LCMT1: variants seen among roughly 807,000 people sequenced by gnomAD.
LCMT1 encodes [Phosphatase 2A protein]-leucine-carboxy methyltransferase 1.
In LCMT1, 32 loss-of-function variants were observed where a neutral mutation model predicts 47.7. The ratio of observed to expected loss-of-function variants is 0.67; its 90% confidence interval spans 0.51 to 0.90. The LOEUF (loss-of-function observed/expected upper bound fraction) is 0.90. Among genes scored for constraint, LCMT1 ranks in the 40% least tolerant of loss-of-function variants. The probability of loss-of-function intolerance (pLI) is 0.00; values close to 1 mark genes in which losing one functional copy is unlikely to be tolerated. For synonymous variants in LCMT1, 152 were observed against 149.7 expected (o/e 1.02, Z -0.11); for missense variants, 375 against 415.2 (o/e 0.90, Z 0.84).
intron 10 of LCMT1, among the ~76,000 whole-genome samples, chr16:25,176,376 A>G (rs1240211531): frequency 6.6e-6 from 1 of 152,096 alleles, no homozygotes; most frequent in African/African-American, 2.4e-5. Flanking sequence ...GATCCGAAAC[A>G]GAACTTGACA....
At chr16:25,132,942 C>T (rs1313929265) in intron 3 of LCMT1, among the ~76,000 whole-genome samples, 1 of 151,450 alleles carries the variant, frequency 6.6e-6, no homozygotes, top group African/African-American at 2.4e-5. Flanking sequence ...ATTACAGCCT[C>T]GAACTGCTGG....
chr16:25,142,529 G>T (rs572589604), intron 4 of LCMT1: 2 of 152,302 alleles, frequency 1.3e-5, no homozygotes, highest in East Asian at 3.9e-4. Flanking sequence ...GGGGATGATG[G>T]TAGCACACCC....
Position 25,125,449 on chromosome 16 carries a change from A to G in LCMT1, c.114-3026A>G, listed in dbSNP as rs559653636. 2.0e-4 allele frequency among the ~76,000 whole-genome samples: 31 copies of G among 152,312 alleles called. 1 individual carries two copies. The South Asian group carries it at 6.2e-3, about 31-fold the overall frequency. Reference sequence around the variant, plus strand: ...TCAGGCCTTTTATACTTGTCATCGCAGTGCCTTGCAGTGTGATTGTGCCAG... The same window carrying G: ...TCAGGCCTTTTATACTTGTCATCGCGGTGCCTTGCAGTGTGATTGTGCCAG... On this transcript the variant is annotated intron_variant, in intron 1 of 10. Coordinates refer to ENST00000399069, the MANE Select transcript of LCMT1 (RefSeq NM_016309.3).
At chr16:25,144,014 C>G (rs1960774599) in intron 4 of LCMT1, 1 of 152,236 alleles carries the variant, frequency 6.6e-6, no homozygotes, top group South Asian at 2.1e-4. Context: ...CAACACATTG[C>G]TGGATTCCTA....
At chr16:25,173,384 T>TGGTAGA (rs1450541273) in intron 9 of LCMT1, among the ~76,000 whole-genome samples, 1 of 152,232 alleles carries the variant, frequency 6.6e-6, no homozygotes, top group East Asian at 1.9e-4. Flanking sequence ...TTTGGATGTC[T>TGGTAGA]CCTGGTAGAA....
chr16:25,130,598 A>G (rs1716097492), intron 2 of LCMT1, among the ~76,000 whole-genome samples: 1 of 152,140 alleles, frequency 6.6e-6, no homozygotes, highest in African/African-American at 2.4e-5. Flanking sequence ...GTGAGCCAGG[A>G]TTGTACCACT....
Position 25,129,456 on chromosome 16 carries a change from A to G in LCMT1, c.205+890A>G, listed in dbSNP as rs144921272. ...CTGCAATTTTAAAAATGTTTCTCCT[A>G]TTTATAAGTGACGTTGAGGATCATT... On this transcript the variant is annotated intron_variant, in intron 2 of 10. Coordinates refer to ENST00000399069, the MANE Select transcript of LCMT1 (RefSeq NM_016309.3). Among the ~76,000 whole-genome samples, 206 of 152,300 alleles carry G rather than the reference A, an allele frequency of 1.4e-3. 1 individual carries two copies. Among genetic ancestry groups the G allele is most frequent in the African/African-American group, 4.8e-3 (199 of 41,576 alleles).
chr16:25,122,665 T>C (rs895397545), intron 1 of LCMT1, among the ~76,000 whole-genome samples: 1 of 151,970 alleles, frequency 6.6e-6, no homozygotes, highest in Admixed American at 6.6e-5. Flanking sequence ...TCATGTCTTG[T>C]TTGGTTGTGT....
At chr16:25,124,611 T>A (rs1334903402) in intron 1 of LCMT1, among the ~76,000 whole-genome samples, 1 of 152,226 alleles carries the variant, frequency 6.6e-6, no homozygotes, top group Non-Finnish European at 1.5e-5. Flanking sequence ...CCAGGCTTGA[T>A]CCTTATAGGC....
intron 3 of LCMT1, among the ~76,000 whole-genome samples, chr16:25,133,993 C>T (rs1044601881): frequency 6.7e-6 from 1 of 150,300 alleles, no homozygotes; most frequent in African/African-American, 2.5e-5. Flanking sequence ...GATCATGCCA[C>T]CGCACTCCAG....
In LCMT1 at chr16:25,177,250, T is replaced by A. The variant is rs78028677; in HGVS notation, c.983-751T>A. Among the ~76,000 whole-genome samples the A allele has an allele frequency of 9.1e-3, 1,379 of 152,292 alleles. 23 individuals carry two copies. Among genetic ancestry groups the A allele is most frequent in the African/African-American group, 0.031 (1,304 of 41,546 alleles). On this transcript the variant is annotated intron_variant, in intron 10 of 10. Transcript: ENST00000399069. ...TCCTCTTAATTATATTAAAAAATAC[T>A]TCTTAGTAGGAAACTTAAAAGCTTC...
chr16:25,123,223 CTTTTTTTTT>C (rs750991801), intron 1 of LCMT1, among the ~76,000 whole-genome samples: 1 of 116,186 alleles, frequency 8.6e-6, no homozygotes, highest in African/African-American at 3.3e-5. Context: ...TATATAACTT[CTTTTTTTTT>C]TTTTTTTTTT....
At chr16:25,154,325 T>TA (rs1192159615) in intron 5 of LCMT1, among the ~76,000 whole-genome samples, 2 of 151,536 alleles carry the variant, frequency 1.3e-5, no homozygotes, top group Non-Finnish European at 2.9e-5. Context: ...CCCTATTATT[T>TA]AAAAAAAATT....
intron 8 of LCMT1, chr16:25,169,513 CTTATA>C: frequency 4.3e-6 from 1 of 234,312 alleles, no homozygotes; most frequent in Non-Finnish European, 8.5e-6. Context: ...TTCAGTATTT[CTTATA>C]TTATCAGTGT....
chr16:25,165,090 T>G (rs920742864), intron 7 of LCMT1, among the ~76,000 whole-genome samples: 1 of 92,026 alleles, frequency 1.1e-5, no homozygotes, highest in African/African-American at 4.3e-5. Flanking sequence ...CCAGGTGTAA[T>G]AGTGTAGGGT....
At chr16:25,128,388 T>C in intron 1 of LCMT1, 87 bp from the exon 2 acceptor site, 1 of 962,448 alleles carries the variant, frequency 1.0e-6, no homozygotes, top group Non-Finnish European at 1.6e-6. Flanking sequence ...TCGAGTTCCT[T>C]GATCTGGTTC....
Position 25,171,040 on chromosome 16 carries a change from G to A in LCMT1, c.884+235G>A, listed in dbSNP as rs189440582. On this transcript the variant is annotated intron_variant, in intron 9 of 10. Transcript: ENST00000399069. ...GAGGTCAGGTCAGGAGTTCGAGACC[G>A]GCCTGGCCAACATGGTGAAACCTTG... 1.9e-4 allele frequency among the ~76,000 whole-genome samples: 29 copies of A among 152,070 alleles called. No individual in the cohort carries two copies. In the East Asian group the frequency reaches 3.7e-3, roughly 19 times the overall value.
chr16:25,163,269 C>T (rs1258467701), intron 6 of LCMT1, among the ~76,000 whole-genome samples: 1 of 152,078 alleles, frequency 6.6e-6, no homozygotes. Context: ...GAGATTGAGA[C>T]CAGCCTGGCC....
intron 1 of LCMT1, among the ~76,000 whole-genome samples, chr16:25,116,940 A>G (rs1959807844): frequency 6.6e-6 from 1 of 151,966 alleles, no homozygotes; most frequent in Non-Finnish European, 1.5e-5. Context: ...GCCAGGCAGA[A>G]GACAGTAGCA....
Sources: gnomAD v4.1 joint callset for allele counts (sites outside exome capture counted in the v4.1 genomes callset) on GRCh38, gnomAD v4.1.1 for gene constraint, MANE v1.5 for transcripts, NCBI Gene and HGNC (gene_info 2026-07-23, HGNC 2026-07-21) for gene names.